PHKB: variants seen among roughly 807,000 people sequenced by gnomAD.
PHKB encodes the protein phosphorylase kinase regulatory subunit beta, also known as phosphorylase b kinase regulatory subunit beta.
PHKB carries 122 observed loss-of-function variants against 152.1 expected under a neutral mutation model. That is an observed-to-expected ratio of 0.80 (90% CI 0.69 to 0.93). The LOEUF (loss-of-function observed/expected upper bound fraction) is 0.93. PHKB is among the 40% of genes least tolerant of loss of function. The probability of loss-of-function intolerance (pLI) is 0.00; values close to 1 mark genes in which losing one functional copy is unlikely to be tolerated. For synonymous variants in PHKB, 436 were observed against 464.9 expected (o/e 0.94, Z 0.80); for missense variants, 1,304 against 1,328.4 (o/e 0.98, Z 0.29).
At chr16:47,565,613 G>A (rs546684082) in intron 7 of PHKB, 63 of 1,061,708 alleles carry the variant, frequency 5.9e-5, no homozygotes, top group East Asian at 2.4e-4. Flanking sequence ...CATTTCTGCC[G>A]GATGTGGCAG....
chr16:47,548,425 G>C (rs1189042913), intron 7 of PHKB, among the ~76,000 whole-genome samples: 1 of 152,072 alleles, frequency 6.6e-6, no homozygotes, highest in Non-Finnish European at 1.5e-5. Flanking sequence ...TGGCCAACAT[G>C]GTGAAACCCT....
chr16:47,633,734 G>A (rs568532317), intron 14 of PHKB, among the ~76,000 whole-genome samples: 1 of 152,292 alleles, frequency 6.6e-6, no homozygotes, highest in African/African-American at 2.4e-5. Context: ...AAACAGATGG[G>A]AGACCAACAG....
Position 47,669,260 on chromosome 16 carries a change from C to A in PHKB, c.2473C>A (p.Pro825Thr). ...FGHEEEVISNPLSPRVIQNII... is the reference protein window; with the variant it reads ...FGHEEEVISNTLSPRVIQNII... ...GCATGAAGAAGAAGTTATCTCTAAT[C>A]CTTTGTCTCCAAGAGTGATTCAAAA... Residue 825 changes from proline to threonine, a missense_variant, in exon 26 of 31, where the codon CCT (proline) becomes ACT (threonine). By Grantham distance (38) the Pro-to-Thr change is conservative (BLOSUM62 -1). Transcript: ENST00000323584. 1 of 1,614,074 alleles carries A rather than the reference C, an allele frequency of 6.2e-7. No homozygotes were observed. Among genetic ancestry groups the A allele is most frequent in the Non-Finnish European group, 8.5e-7 (1 of 1,179,982 alleles).
intron 14 of PHKB, among the ~76,000 whole-genome samples, chr16:47,627,168 C>T (rs1050195695): frequency 2.0e-5 from 3 of 152,202 alleles, no homozygotes; most frequent in Non-Finnish European, 4.4e-5. Flanking sequence ...CTCTGTTTCA[C>T]CCTCATCTTA....
intron 1 of PHKB, among the ~76,000 whole-genome samples, chr16:47,488,365 A>G (rs1970085037): frequency 6.6e-6 from 1 of 152,166 alleles, no homozygotes; most frequent in African/African-American, 2.4e-5. Flanking sequence ...CAGAGTTTGC[A>G]AATTTTTTTC....
chr16:47,491,837 G>A (rs1023761223), intron 1 of PHKB, among the ~76,000 whole-genome samples: 1 of 152,068 alleles, frequency 6.6e-6, no homozygotes, highest in African/African-American at 2.4e-5. Flanking sequence ...TTGCAAAATG[G>A]GGTATCTGGC....
At chr16:47,686,214 G>A (rs929480082) in intron 26 of PHKB, among the ~76,000 whole-genome samples, 1 of 152,180 alleles carries the variant, frequency 6.6e-6, no homozygotes, top group Admixed American at 6.5e-5. Flanking sequence ...AGCTATCTTT[G>A]TGCGTGATAC....
intron 20 of PHKB, among the ~76,000 whole-genome samples, chr16:47,658,809 A>AGTGT (rs36066227): frequency 0.25 from 34,858 of 140,536 alleles, 4,177 homozygotes; most frequent in Middle Eastern, 0.3. Context: ...AATGCATGAC[A>AGTGT]GTGTGTGTGT....
rs528219185 is a variant in PHKB at position 47,538,026 on chromosome 16, G to A, written c.595-9407G>A. Among the ~76,000 whole-genome samples, 3 of 152,010 alleles carry A rather than the reference G, an allele frequency of 2.0e-5. No individual in the cohort carries two copies. In the East Asian group the frequency reaches 5.8e-4, roughly 29 times the overall value. ...TCCCACCTCAGCCTCCCGAGCAGCT[G>A]GGACCACAAGCATATGTTACCATGC... On this transcript the variant is annotated intron_variant, in intron 6 of 30. Coordinates refer to ENST00000323584, the MANE Select transcript of PHKB (RefSeq NM_000293.3).
chr16:47,501,875 T>C (rs1970330114), intron 3 of PHKB, among the ~76,000 whole-genome samples: 1 of 152,152 alleles, frequency 6.6e-6, no homozygotes, highest in East Asian at 1.9e-4. Context: ...AGGCACACTA[T>C]CTATGTAGAA....
chr16:47,483,956 A>G (rs1970008706), intron 1 of PHKB, among the ~76,000 whole-genome samples: 1 of 152,206 alleles, frequency 6.6e-6, no homozygotes, highest in Admixed American at 6.5e-5. Context: ...ACATTAAATA[A>G]CCACTTCTAA....
intron 15 of PHKB, 112 bp downstream of exon 15, chr16:47,641,202 T>C (rs1439139356): frequency 2.5e-6 from 2 of 812,536 alleles, no homozygotes. Flanking sequence ...CTTCAGAAAC[T>C]CCTTTACAGG....
chr16:47,653,260 C>T (rs575370511), intron 20 of PHKB, among the ~76,000 whole-genome samples: 1 of 152,308 alleles, frequency 6.6e-6, no homozygotes, highest in East Asian at 1.9e-4. Flanking sequence ...CAGTCTCCAG[C>T]CAAATCCACT....
At chr16:47,690,759 C>T (rs1974045516) in intron 27 of PHKB, among the ~76,000 whole-genome samples, 3 of 152,076 alleles carry the variant, frequency 2.0e-5, no homozygotes, top group Admixed American at 6.6e-5. Context: ...TGGAGAGTTT[C>T]ATCATTCCAA....
chr16:47,698,515 T>G lies in PHKB; in HGVS notation c.3071T>G (p.Leu1024Arg). The G allele has an allele frequency of 6.2e-7, 1 of 1,609,690 alleles. No individual in the cohort carries two copies. Among genetic ancestry groups the G allele is most frequent in the Non-Finnish European group, 8.5e-7 (1 of 1,177,184 alleles). ...PELEFQDKVD[L>R]DRLVKEAFNE... ...CTAGAATTTCAAGACAAAGTAGATC[T>G]AGACAGACTGGTCAAAGAAGCATTT... Residue 1024 changes from leucine to arginine, a missense_variant, in exon 30 of 31, where the codon CTA becomes CGA. Coordinates refer to ENST00000323584, the MANE Select transcript of PHKB (RefSeq NM_000293.3).
At chr16:47,671,887 G>A (rs981171768) in intron 26 of PHKB, among the ~76,000 whole-genome samples, 5 of 152,000 alleles carry the variant, frequency 3.3e-5, no homozygotes, top group Admixed American at 6.6e-5. Context: ...CCTATATACC[G>A]ACATTTATGA....
intron 1 of PHKB, among the ~76,000 whole-genome samples, chr16:47,491,471 C>G (rs189297881): frequency 1.2e-4 from 18 of 152,232 alleles, no homozygotes; most frequent in African/African-American, 3.4e-4. Context: ...GTTGTTATTT[C>G]CCAAAGATTA....
intron 20 of PHKB, among the ~76,000 whole-genome samples, chr16:47,652,577 T>G (rs1001310118): frequency 1.3e-5 from 2 of 152,088 alleles, no homozygotes; most frequent in Non-Finnish European, 2.9e-5. Flanking sequence ...CTTTTAATAC[T>G]AGCCATTCTG....
At chr16:47,683,096 A>C (rs983080728) in intron 26 of PHKB, among the ~76,000 whole-genome samples, 1 of 152,140 alleles carries the variant, frequency 6.6e-6, no homozygotes, top group Non-Finnish European at 1.5e-5. Flanking sequence ...GTGAACCGCA[A>C]ATGCTGCTGC....
Sources: gnomAD v4.1 joint callset for allele counts (sites outside exome capture counted in the v4.1 genomes callset) on GRCh38, gnomAD v4.1.1 for gene constraint, MANE v1.5 for transcripts, NCBI Gene and HGNC (gene_info 2026-07-23, HGNC 2026-07-21) for gene names.